CX3CR1: variants seen among roughly 807,000 people sequenced by gnomAD.
CX3CR1 encodes CX3C chemokine receptor 1.
For missense variants in CX3CR1, 363 were observed against 432.4 expected (o/e 0.84, Z 1.42); for synonymous variants, 168 against 178.5 (o/e 0.94, Z 0.47).
At chr3:39,275,020 C>G (rs987354383) in intron 1 of CX3CR1, among the ~76,000 whole-genome samples, 9 of 152,106 alleles carry the variant, frequency 5.9e-5, no homozygotes, top group Admixed American at 1.3e-4. Flanking sequence ...CACCACCATG[C>G]CCAGCTAATT....
rs1160178045 is a variant in CX3CR1 at position 39,263,834 on chromosome 3, G to A, written c.*1608C>T. ...ATTACGATTGCAACTCTAAACATGT[G>A]AGAGTGTGAACAAGGTCTGGACGGG... On this transcript the variant is annotated 3_prime_UTR_variant, in exon 2 of 2. Transcript: ENST00000399220. 3 of 152,368 alleles carry A rather than the reference G, an allele frequency of 2.0e-5. No individual in the cohort carries two copies. The highest frequency in any genetic ancestry group is 6.5e-5 in the Admixed American group (1 of 15,312). 9.4% of individuals were successfully genotyped at this position (152,368 alleles called of 1,614,324 possible). A position where few individuals can be genotyped will look rare whatever the true frequency, so the allele number is the denominator to read the frequency against.
At chr3:39,281,264 G>T, upstream of CX3CR1, 1 of 1,089,656 alleles carries the variant, frequency 9.2e-7, no homozygotes, top group Middle Eastern at 4.2e-4. Flanking sequence ...GAAGGCCACA[G>T]GACAAAAGCA....
intron 1 of CX3CR1, among the ~76,000 whole-genome samples, chr3:39,271,621 C>T (rs2040778032): frequency 6.6e-6 from 1 of 152,154 alleles, no homozygotes; most frequent in South Asian, 2.1e-4. Flanking sequence ...TCTCAAGAAA[C>T]AGCAGGAGTC....
At chr3:39,269,813 C>T (rs912486587) in intron 1 of CX3CR1, among the ~76,000 whole-genome samples, 15 of 152,222 alleles carry the variant, frequency 9.9e-5, no homozygotes, top group Non-Finnish European at 2.1e-4. Context: ...TGGGTGCATG[C>T]AGTGGGTGCT....
chr3:39,281,261 A>G (rs1180667671), upstream of CX3CR1: 3 of 1,073,704 alleles, frequency 2.8e-6, no homozygotes, highest in East Asian at 1.6e-4. Context: ...CCAGAAGGCC[A>G]CAGGACAAAA....
chr3:39,266,385 A>G lies in CX3CR1; in HGVS notation c.125T>C (p.Phe42Ser). 1 of 1,614,246 alleles carries G rather than the reference A, an allele frequency of 6.2e-7. No homozygotes were observed. The highest frequency in any genetic ancestry group is 8.5e-7 in the Non-Finnish European group (1 of 1,180,038). The change falls in exon 2 of 2, where the codon TTT becomes TCT. Residue 42 changes from phenylalanine (F) to serine (S), a missense_variant. Phe to Ser is a radical substitution (Grantham distance 155). Transcript: ENST00000399220. ...CAAATTTCCCACCAGGCCAATGGCA[A>G]AGATGACGGAGTAGAATATGGACAG... The part of the protein sequence containing the change: ...VFLSIFYSVI[F>S]AIGLVGNLLV...
the CX3CR1 span, among the ~76,000 whole-genome samples, chr3:39,290,855 A>G: frequency 6.6e-6 from 1 of 151,366 alleles, no homozygotes; most frequent in Non-Finnish European, 1.5e-5. Context: ...TGGGAGGCGG[A>G]GGTTGCAGTG....
intron 1 of CX3CR1, among the ~76,000 whole-genome samples, chr3:39,274,668 T>C (rs2040819592): frequency 6.6e-6 from 1 of 152,172 alleles, no homozygotes; most frequent in African/African-American, 2.4e-5. Context: ...AAATACTTCA[T>C]AATTTTTTTA....
At chr3:39,273,805 T>G (rs1019617254) in intron 1 of CX3CR1, among the ~76,000 whole-genome samples, 1 of 152,106 alleles carries the variant, frequency 6.6e-6, no homozygotes, top group Non-Finnish European at 1.5e-5. Flanking sequence ...TGCCCAGCTA[T>G]TTTTGGTAGA....
At chr3:39,282,261 G>C (rs1316470217), upstream of CX3CR1, among the ~76,000 whole-genome samples, 2 of 152,102 alleles carry the variant, frequency 1.3e-5, no homozygotes, top group African/African-American at 4.8e-5. Context: ...CTCTGTAAAG[G>C]AGTCTCTGGC....
chr3:39,283,430 T>C (rs1219254018), upstream of CX3CR1, among the ~76,000 whole-genome samples: 1 of 151,890 alleles, frequency 6.6e-6, no homozygotes, highest in Admixed American at 6.6e-5. Context: ...ATACATATAG[T>C]AGCTAAACCA....
upstream of CX3CR1, among the ~76,000 whole-genome samples, chr3:39,285,543 C>T (rs2040937552): frequency 6.6e-6 from 1 of 152,164 alleles, no homozygotes; most frequent in Non-Finnish European, 1.5e-5. Context: ...AAGCACTTCC[C>T]CTTTGGAACC....
At position 39,266,271 on chromosome 3, in the gene CX3CR1, A is replaced by G. The variant is rs2040698483; in HGVS notation, c.239T>C (p.Phe80Ser). 2 of 1,614,128 alleles carry G rather than the reference A, an allele frequency of 1.2e-6. No individual in the cohort carries two copies. The highest frequency in any genetic ancestry group is 1.7e-6 in the Non-Finnish European group (2 of 1,180,056). The change falls in exon 2 of 2, where the codon TTT (phenylalanine) becomes TCT (serine). Residue 80 changes from phenylalanine (F) to serine (S), a missense_variant. Physicochemically the swap from Phe to Ser is radical, Grantham distance 155 (BLOSUM62 -2). Transcript: ENST00000399220. ...LLNLALSDLL[F>S]VATLPFWTHY... ...AGTCCAGAAGGGCAAAGTGGCTACAAACAGCAGATCAGACAAGGCCAGGTT... is the reference window on the plus strand; with the variant it reads ...AGTCCAGAAGGGCAAAGTGGCTACAGACAGCAGATCAGACAAGGCCAGGTT...
At chr3:39,273,196 T>C (rs1366033143) in intron 1 of CX3CR1, among the ~76,000 whole-genome samples, 1 of 152,252 alleles carries the variant, frequency 6.6e-6, no homozygotes, top group Non-Finnish European at 1.5e-5. Context: ...TGGTCCATGA[T>C]GCATCTCTGA....
intron 1 of CX3CR1, among the ~76,000 whole-genome samples, chr3:39,267,067 AG>A (rs1191906995): frequency 6.6e-6 from 1 of 152,200 alleles, no homozygotes; most frequent in African/African-American, 2.4e-5. Flanking sequence ...TACAGGCGTG[AG>A]CCACAGCGCC....
chr3:39,268,642 C>A (rs1355105933), intron 1 of CX3CR1, among the ~76,000 whole-genome samples: 2 of 152,228 alleles, frequency 1.3e-5, no homozygotes, highest in African/African-American at 4.8e-5. Flanking sequence ...TGTCTCGCAT[C>A]TCTTTATGTG....
chr3:39,270,340 TGTAC>T (rs1553605567), intron 1 of CX3CR1, among the ~76,000 whole-genome samples: 2 of 152,242 alleles, frequency 1.3e-5, no homozygotes, highest in Non-Finnish European at 2.9e-5. Context: ...CAAGCAAGTG[TGTAC>T]ACTGTCACTG....
At chr3:39,281,089 C>G (rs2040892761), upstream of CX3CR1, 1 of 994,194 alleles carries the variant, frequency 1.0e-6, no homozygotes, top group Admixed American at 5.8e-5. Context: ...TCTGTGTGCT[C>G]CCCACCTTGC....
chr3:39,283,943 AAT>A (rs1559372038), upstream of CX3CR1, among the ~76,000 whole-genome samples: 1 of 151,078 alleles, frequency 6.6e-6, no homozygotes, highest in Non-Finnish European at 1.5e-5. Flanking sequence ...TACCTTTACA[AAT>A]AACTAAAAGA....
Sources: gnomAD v4.1 joint callset for allele counts (sites outside exome capture counted in the v4.1 genomes callset) on GRCh38, gnomAD v4.1.1 for gene constraint, MANE v1.5 for transcripts, NCBI Gene and HGNC (gene_info 2026-07-23, HGNC 2026-07-21) for gene names.